BMPR2: variants seen among roughly 807,000 people sequenced by gnomAD.
The protein encoded by BMPR2 is bone morphogenetic protein receptor type-2.
A neutral mutation model predicts 100.8 loss-of-function variants in BMPR2; 29 were observed. The observed-to-expected ratio is 0.29, with a 90% CI of 0.21 to 0.39. The LOEUF is 0.39. BMPR2 is among the 10% of genes least tolerant of loss of function. BMPR2 has a pLI of 1.00. For synonymous variants in BMPR2, 382 were observed against 442.3 expected (o/e 0.86, Z 1.71); for missense variants, 1,011 against 1,274.5 (o/e 0.79, Z 3.15).
intron 1 of BMPR2, among the ~76,000 whole-genome samples, chr2:202,389,181 T>C (rs1326608842): frequency 6.6e-6 from 1 of 151,802 alleles, no homozygotes; most frequent in Non-Finnish European, 1.5e-5. Flanking sequence ...GCTGTGATCA[T>C]GCCACTGCAC....
chr2:202,442,783 TA>T, intron 1 of BMPR2, among the ~76,000 whole-genome samples: 1 of 150,966 alleles, frequency 6.6e-6, no homozygotes, highest in Middle Eastern at 3.4e-3. Context: ...TACTTCTTTT[TA>T]AAAGACTGAA....
chr2:202,498,977 A>G (rs1693102151), intron 3 of BMPR2, among the ~76,000 whole-genome samples: 3 of 152,164 alleles, frequency 2.0e-5, no homozygotes, highest in Non-Finnish European at 2.9e-5. Context: ...TAGCCTCCCT[A>G]TAGCTCCCCT....
chr2:202,400,992 C>G (rs1421977134), intron 1 of BMPR2, among the ~76,000 whole-genome samples: 1 of 152,090 alleles, frequency 6.6e-6, no homozygotes, highest in Non-Finnish European at 1.5e-5. Flanking sequence ...ACAATTACTT[C>G]AAAATAATAC....
chr2:202,451,323 A>G lies in BMPR2; in HGVS notation c.77-13486A>G, dbSNP rs145622084. ...AAATATTTAAATTCCCCTGAACTATATGTTGTCCTATTCAGCTCTATATTG... is the reference window on the plus strand; with the variant it reads ...AAATATTTAAATTCCCCTGAACTATGTGTTGTCCTATTCAGCTCTATATTG... On this transcript the variant is annotated intron_variant, in intron 1 of 12. Coordinates refer to ENST00000374580, the MANE Select transcript of BMPR2 (RefSeq NM_001204.7). 2.3e-3 allele frequency among the ~76,000 whole-genome samples: 346 copies of G among 152,330 alleles called. 1 individual carries two copies. Among genetic ancestry groups the G allele is most frequent in the African/African-American group, 7.8e-3 (323 of 41,558 alleles).
At chr2:202,445,194 A>T (rs79663636) in intron 1 of BMPR2, among the ~76,000 whole-genome samples, 4 of 150,330 alleles carry the variant, frequency 2.7e-5, no homozygotes, top group African/African-American at 1.0e-4. Context: ...GTCCCACAAG[A>T]TATGCAAACA....
At chr2:202,448,793 A>G (rs1241814027) in intron 1 of BMPR2, among the ~76,000 whole-genome samples, 1 of 151,902 alleles carries the variant, frequency 6.6e-6, no homozygotes, top group Non-Finnish European at 1.5e-5. Context: ...TCCAGGATAT[A>G]TAAGCCTCTT....
rs1290625813 is a variant in BMPR2, at chr2:202,439,550, T to A, written c.77-25259T>A. Among the ~76,000 whole-genome samples, 3 of 149,290 alleles carry A rather than the reference T, an allele frequency of 2.0e-5. 1 individual carries two copies. The highest frequency in any genetic ancestry group is 7.6e-5 in the African/African-American group (3 of 39,260). ...GACTTCTTCCTTTCTAATCTGTATG[T>A]CTTTTTATTTCATTGTTCTTTTTCT... On this transcript the variant is annotated intron_variant, in intron 1 of 12. Transcript: ENST00000374580.
At chr2:202,402,752 C>T (rs898781890) in intron 1 of BMPR2, among the ~76,000 whole-genome samples, 8 of 151,328 alleles carry the variant, frequency 5.3e-5, no homozygotes, top group Non-Finnish European at 1.0e-4. Context: ...CTGCAACCTC[C>T]GCCTCCTGGG....
intron 2 of BMPR2, among the ~76,000 whole-genome samples, chr2:202,466,527 C>T (rs1692326540): frequency 6.6e-6 from 1 of 152,134 alleles, no homozygotes; most frequent in Non-Finnish European, 1.5e-5. Context: ...CCCTCATGAT[C>T]CGCCCACTTC....
intron 1 of BMPR2, among the ~76,000 whole-genome samples, chr2:202,410,828 C>T (rs1690999157): frequency 6.6e-6 from 1 of 152,154 alleles, no homozygotes; most frequent in Non-Finnish European, 1.5e-5. Context: ...ATCCGCCCGC[C>T]TCGGCCTCCC....
At chr2:202,445,884 C>G (rs1175914073) in intron 1 of BMPR2, among the ~76,000 whole-genome samples, 1 of 147,768 alleles carries the variant, frequency 6.8e-6, no homozygotes, top group African/African-American at 2.6e-5. Flanking sequence ...ATGCCATTCT[C>G]CTGCCTCAGC....
intron 7 of BMPR2, among the ~76,000 whole-genome samples, chr2:202,527,635 A>AAATTAGC (rs1559065643): frequency 6.7e-6 from 1 of 149,642 alleles, no homozygotes; most frequent in African/African-American, 2.5e-5. Context: ...AATACAAAAA[A>AAATTAGC]AATTAGCCGG....
At chr2:202,420,547 T>A (rs1238868761) in intron 1 of BMPR2, among the ~76,000 whole-genome samples, 1 of 136,926 alleles carries the variant, frequency 7.3e-6, no homozygotes, top group Non-Finnish European at 1.6e-5. Context: ...ATTTTTTTTT[T>A]TTTTTTTTTT....
chr2:202,467,280 ATTCTT>A (rs1692343339), intron 2 of BMPR2, among the ~76,000 whole-genome samples: 1 of 152,132 alleles, frequency 6.6e-6, no homozygotes, highest in African/African-American at 2.4e-5. Context: ...TAAATAAATA[ATTCTT>A]AGATTAATCA....
chr2:202,476,126 A>G (rs954852004), intron 3 of BMPR2, among the ~76,000 whole-genome samples: 16 of 150,040 alleles, frequency 1.1e-4, no homozygotes, highest in Non-Finnish European at 2.4e-4. Flanking sequence ...CCAAGCATGT[A>G]TGGTGGAATT....
intron 12 of BMPR2, among the ~76,000 whole-genome samples, chr2:202,558,579 G>A (rs1688623739): frequency 6.6e-6 from 1 of 152,166 alleles, no homozygotes; most frequent in East Asian, 1.9e-4. Flanking sequence ...CTTTATTGCA[G>A]GGCTCTGAGT....
chr2:202,506,877 G>A (rs1378706046), intron 3 of BMPR2, among the ~76,000 whole-genome samples: 2 of 151,956 alleles, frequency 1.3e-5, no homozygotes, highest in Non-Finnish European at 1.5e-5. Flanking sequence ...TCCAGCCTGG[G>A]TGACAAGAGC....
intron 5 of BMPR2, among the ~76,000 whole-genome samples, chr2:202,515,189 G>GT (rs1687691059): frequency 6.6e-6 from 1 of 152,100 alleles, no homozygotes; most frequent in Admixed American, 6.6e-5. Flanking sequence ...CTACAGACAG[G>GT]TACAGGAATG....
chr2:202,389,920 G>C (rs989039226), intron 1 of BMPR2, among the ~76,000 whole-genome samples: 2 of 151,558 alleles, frequency 1.3e-5, no homozygotes, highest in South Asian at 4.2e-4. Flanking sequence ...GATTACAGGC[G>C]TGAGCCACTG....
Sources: allele counts gnomAD v4.1 joint callset (sites outside exome capture counted in the v4.1 genomes callset), GRCh38; gene constraint gnomAD v4.1.1; transcripts MANE v1.5; gene names NCBI Gene and HGNC (gene_info 2026-07-23, HGNC 2026-07-21).